Variants in NT5C2 observed in about 807,000 individuals in gnomAD.
NT5C2 encodes 5'-nucleotidase, cytosolic II.
NT5C2 carries 58 observed loss-of-function variants against 76.1 expected under a neutral mutation model. The ratio of observed to expected loss-of-function variants is 0.76; its 90% CI spans 0.62 to 0.95. The LOEUF is 0.95. Ranked by LOEUF, NT5C2 falls within the 40% of genes least tolerant of loss-of-function variation. NT5C2 has a pLI of 0.00. For synonymous variants in NT5C2, 229 were observed against 237.4 expected, an observed-to-expected ratio of 0.96 and a Z score of 0.32; for missense variants, 478 against 690.3, an observed-to-expected ratio of 0.69 and a Z score of 3.45.
intron 1 of NT5C2, among the ~76,000 whole-genome samples, chr10:103,190,277 G>C (rs910553639): frequency 3.9e-5 from 6 of 152,086 alleles, no homozygotes; most frequent in Non-Finnish European, 8.8e-5. Context: ...AATCCATGTA[G>C]CATACTTGTA....
chr10:103,107,926 G>A (rs975021000), intron 4 of NT5C2, among the ~76,000 whole-genome samples: 2 of 152,036 alleles, frequency 1.3e-5, no homozygotes, highest in East Asian at 1.9e-4. Flanking sequence ...AGCCCAAGGC[G>A]GGCGGATCAC....
chr10:103,109,800 G>C (rs1163740094), intron 4 of NT5C2, among the ~76,000 whole-genome samples: 1 of 152,112 alleles, frequency 6.6e-6, no homozygotes, highest in African/African-American at 2.4e-5. Flanking sequence ...ATTTGGATTT[G>C]AAGCACAAAT....
intron 10 of NT5C2, chr10:103,098,092 T>C (rs1431601878): frequency 5.7e-6 from 3 of 529,050 alleles, no homozygotes; most frequent in African/African-American, 3.9e-5. Flanking sequence ...TTTTACTCTG[T>C]AGGAAAAGAA....
intron 4 of NT5C2, among the ~76,000 whole-genome samples, chr10:103,135,317 C>T (rs920862945): frequency 1.3e-5 from 2 of 152,164 alleles, no homozygotes; most frequent in African/African-American, 2.4e-5. Flanking sequence ...CTTTCCCTTG[C>T]TGTTCCTGTA....
At chr10:103,096,075 T>C in intron 11 of NT5C2, 95 bp from the exon 12 acceptor site, 1 of 913,020 alleles carries the variant, frequency 1.1e-6, no homozygotes. Flanking sequence ...ACATGTCTTT[T>C]TCAACATAGG....
chr10:103,122,160 C>G (rs113958674), intron 4 of NT5C2, among the ~76,000 whole-genome samples: 312 of 152,324 alleles, frequency 2.0e-3, no homozygotes, highest in African/African-American at 7.0e-3. Flanking sequence ...GGTGACAGGG[C>G]AAGACTCTGT....
intron 6 of NT5C2, among the ~76,000 whole-genome samples, chr10:103,104,642 C>T (rs1394339660): frequency 1.3e-5 from 2 of 152,254 alleles, no homozygotes; most frequent in Non-Finnish European, 2.9e-5. Flanking sequence ...TACTTCACAC[C>T]GTTCTCATGT....
intron 10 of NT5C2, chr10:103,097,856 C>A (rs770241501): frequency 5.5e-6 from 2 of 363,506 alleles, no homozygotes; most frequent in Non-Finnish European, 1.0e-5. Flanking sequence ...AATACCCACA[C>A]CCACGTGCGC....
chr10:103,116,096 A>AT (rs2074270311), intron 4 of NT5C2, among the ~76,000 whole-genome samples: 1 of 152,158 alleles, frequency 6.6e-6, no homozygotes, highest in Non-Finnish European at 1.5e-5. Context: ...GGAAATGAAA[A>AT]GACTAAAGGA....
At chr10:103,175,139 T>G (rs944725605) in intron 2 of NT5C2, among the ~76,000 whole-genome samples, 157 bp from the exon 3 acceptor site, 1 of 152,182 alleles carries the variant, frequency 6.6e-6, no homozygotes, top group South Asian at 2.1e-4. Flanking sequence ...AAAATTATAC[T>G]GACACTTCTC....
At chr10:103,142,108 C>A (rs983518831) in intron 3 of NT5C2, among the ~76,000 whole-genome samples, 1 of 151,784 alleles carries the variant, frequency 6.6e-6, no homozygotes, top group Non-Finnish European at 1.5e-5. Context: ...TTTGGTTTTG[C>A]TTCTGTTTGT....
At chr10:103,105,660 G>A (rs1483036057) in intron 6 of NT5C2, 46 bp downstream of exon 6, 1 of 1,240,338 alleles carries the variant, frequency 8.1e-7, no homozygotes, top group Non-Finnish European at 1.2e-6. Flanking sequence ...TCTTCACATT[G>A]TTTGACTTTA....
intron 14 of NT5C2, 64 bp downstream of exon 14, chr10:103,093,908 T>C (rs1032360644): frequency 8.0e-7 from 1 of 1,257,358 alleles, no homozygotes; most frequent in African/African-American, 1.5e-5. Flanking sequence ...TGCTGAGAGA[T>C]TACCAAAGCT....
chr10:103,129,592 C>G (rs2077582265), intron 4 of NT5C2, among the ~76,000 whole-genome samples: 1 of 121,786 alleles, frequency 8.2e-6, no homozygotes, highest in African/African-American at 3.1e-5. Flanking sequence ...CAGCCCCCCG[C>G]CCGGCCAGCC....
intron 6 of NT5C2, among the ~76,000 whole-genome samples, chr10:103,104,502 A>G (rs1354003952): frequency 3.3e-5 from 5 of 152,238 alleles, no homozygotes. Flanking sequence ...TACAACCTGT[A>G]ATTACTTCAT....
intron 5 of NT5C2, among the ~76,000 whole-genome samples, chr10:103,106,121 A>G (rs1385805103): frequency 1.3e-5 from 2 of 152,198 alleles, no homozygotes; most frequent in Non-Finnish European, 2.9e-5. Context: ...TGGACAACTG[A>G]GAAGGCTTAT....
At chr10:103,161,449 T>C (rs1481862945) in intron 3 of NT5C2, among the ~76,000 whole-genome samples, 1 of 152,210 alleles carries the variant, frequency 6.6e-6, no homozygotes, top group Non-Finnish European at 1.5e-5. Flanking sequence ...CAGGAAGTGC[T>C]GGGATTACAG....
intron 3 of NT5C2, among the ~76,000 whole-genome samples, 188 bp downstream of exon 3, chr10:103,174,670 A>G (rs2089363662): frequency 6.6e-6 from 1 of 152,262 alleles, no homozygotes. Flanking sequence ...TACTTTTACT[A>G]GTAGATACAC....
Position 103,105,800 on chromosome 10 carries a change from C to T in NT5C2, c.295G>A (p.Gly99Arg). 3.1e-6 allele frequency: 5 copies of T among 1,606,408 alleles called. No homozygotes were observed. Among genetic ancestry groups the T allele is most frequent in the Non-Finnish European group, 4.3e-6 (5 of 1,173,566 alleles). Reference protein sequence around the residue: ...FAYDSTFPTRGLVFDTLYGNL... With the variant: ...FAYDSTFPTRRLVFDTLYGNL... ...CCATACAGTGTGTCAAAGACAAGTC[C>T]CCTATGTGAAAATGAAGACATTATT... Residue 99 changes from glycine to arginine, a missense_variant and splice_region_variant, in exon 6 of 19, where the codon GGA (glycine) becomes AGA (arginine). Gly to Arg is a moderately radical substitution (Grantham distance 125). Transcript: ENST00000404739.
Sources: allele counts gnomAD v4.1 joint callset (sites outside exome capture counted in the v4.1 genomes callset), GRCh38; gene constraint gnomAD v4.1.1; transcripts MANE v1.5; gene names NCBI Gene and HGNC (gene_info 2026-07-23, HGNC 2026-07-21).